Variants in AKAP19 observed in about 807,000 individuals in gnomAD.
AKAP19 encodes A-kinase anchoring protein 19, also known as small A-kinase anchoring protein.
At chr2:189,886,363 GTTCTTGAGGCACTCTCCTTTGAGCATTAC>G in the AKAP19 span, among the ~76,000 whole-genome samples, 1 of 152,166 alleles carries the variant, frequency 6.6e-6, no homozygotes, top group South Asian at 2.1e-4. Flanking sequence ...CCCCACAGTA[GTTCTTGAGGCACTCTCCTTTGAGCATTAC>G]TTCTTTCATA....
the AKAP19 span, among the ~76,000 whole-genome samples, chr2:189,988,514 A>G: frequency 6.6e-6 from 1 of 152,246 alleles, no homozygotes; most frequent in Non-Finnish European, 1.5e-5. Context: ...CCAGGAATGA[A>G]CAAGGACAGT....
chr2:190,140,212 C>T, the AKAP19 span, among the ~76,000 whole-genome samples: 1 of 152,146 alleles, frequency 6.6e-6, no homozygotes, highest in African/African-American at 2.4e-5. Flanking sequence ...AGGTTATACT[C>T]CCCTCCTGGC....
the AKAP19 span, among the ~76,000 whole-genome samples, chr2:189,894,611 A>G: frequency 3.3e-5 from 5 of 151,924 alleles, no homozygotes; most frequent in Admixed American, 2.6e-4. Flanking sequence ...TTTTATTTAC[A>G]TAAGTTTCTT....
the AKAP19 span, among the ~76,000 whole-genome samples, chr2:189,936,942 T>C: frequency 6.6e-6 from 1 of 151,936 alleles, no homozygotes; most frequent in African/African-American, 2.4e-5. Context: ...CTGGGCAACA[T>C]AGCGAGACCC....
At chr2:190,035,759 CTTG>C in the AKAP19 span, among the ~76,000 whole-genome samples, 5 of 152,160 alleles carry the variant, frequency 3.3e-5, no homozygotes, top group African/African-American at 4.8e-5. Flanking sequence ...TAATTTATTT[CTTG>C]TTGTTGTTCA....
At chr2:189,984,752 T>C in the AKAP19 span, among the ~76,000 whole-genome samples, 9 of 152,300 alleles carry the variant, frequency 5.9e-5, no homozygotes, top group Middle Eastern at 3.4e-3. Context: ...GGGGAACTAA[T>C]AAATGTACAT....
the AKAP19 span, among the ~76,000 whole-genome samples, chr2:190,142,454 C>T: frequency 6.6e-6 from 1 of 152,174 alleles, no homozygotes; most frequent in African/African-American, 2.4e-5. Context: ...CACAGTTTTG[C>T]TCTCTACCCC....
At chr2:189,962,704 A>T in the AKAP19 span, among the ~76,000 whole-genome samples, 1 of 152,154 alleles carries the variant, frequency 6.6e-6, no homozygotes, top group South Asian at 2.1e-4. Context: ...GTATTTTGAT[A>T]TTGTTTGAAC....
At chr2:190,001,245 G>T in the AKAP19 span, among the ~76,000 whole-genome samples, 1 of 152,056 alleles carries the variant, frequency 6.6e-6, no homozygotes, top group Non-Finnish European at 1.5e-5. Context: ...TTTTCTACAT[G>T]GTTTCCCTTG....
chr2:190,100,355 C>T, the AKAP19 span, among the ~76,000 whole-genome samples: 18 of 152,150 alleles, frequency 1.2e-4, no homozygotes, highest in Non-Finnish European at 2.1e-4. Flanking sequence ...GGATCCAATT[C>T]GTTTTTGTTG....
At chr2:189,926,652 C>G in the AKAP19 span, among the ~76,000 whole-genome samples, 1 of 140,388 alleles carries the variant, frequency 7.1e-6, no homozygotes, top group Non-Finnish European at 1.5e-5. Context: ...GCGATCTCGG[C>G]TCACTGCAAG....
At chr2:190,096,518 A>G in the AKAP19 span, among the ~76,000 whole-genome samples, 3 of 152,112 alleles carry the variant, frequency 2.0e-5, no homozygotes, top group Admixed American at 6.5e-5. Flanking sequence ...GCCCTATTTC[A>G]GGGAGTTTGC....
At chr2:189,965,598 A>G in the AKAP19 span, among the ~76,000 whole-genome samples, 15 of 152,086 alleles carry the variant, frequency 9.9e-5, no homozygotes, top group Non-Finnish European at 1.5e-5. Flanking sequence ...CCACAGTGTG[A>G]TACCACCTTA....
chr2:189,980,582 G>A, the AKAP19 span, among the ~76,000 whole-genome samples: 84 of 152,216 alleles, frequency 5.5e-4, 1 homozygote, highest in Middle Eastern at 3.4e-3. Flanking sequence ...TGAGCTGCCC[G>A]CCTCAGCCTC....
At chr2:190,143,601 C>T in the AKAP19 span, among the ~76,000 whole-genome samples, 1 of 152,166 alleles carries the variant, frequency 6.6e-6, no homozygotes, top group Admixed American at 6.5e-5. Context: ...AGTGTCTGAC[C>T]TAAAGGATTT....
At chr2:189,926,508 G>A in the AKAP19 span, among the ~76,000 whole-genome samples, 38 of 150,542 alleles carry the variant, frequency 2.5e-4, no homozygotes, top group African/African-American at 8.6e-4. Flanking sequence ...GGGTGGTCTC[G>A]ATCTGCTGAC....
the AKAP19 span, among the ~76,000 whole-genome samples, chr2:189,954,285 C>T: frequency 6.6e-6 from 1 of 152,132 alleles, no homozygotes; most frequent in Non-Finnish European, 1.5e-5. Context: ...TTCTAAGTGG[C>T]ATTATGATAA....
chr2:190,181,028 C>T, the AKAP19 span: 29 of 985,584 alleles, frequency 2.9e-5, no homozygotes, highest in Non-Finnish European at 3.5e-5. Flanking sequence ...AGACCCGCCC[C>T]GGGCCTGAGC....
the AKAP19 span, among the ~76,000 whole-genome samples, chr2:189,890,316 ATTTCCTGAGGAGTGT>A: frequency 2.0e-4 from 30 of 152,264 alleles, no homozygotes; most frequent in African/African-American, 7.2e-4. Flanking sequence ...GTTCTTTTGC[ATTTCCTGAGGAGTGT>A]TTTCTAATTA....
Sources: gnomAD v4.1 joint callset for allele counts (sites outside exome capture counted in the v4.1 genomes callset) on GRCh38, gnomAD v4.1.1 for gene constraint, MANE v1.5 for transcripts, NCBI Gene and HGNC (gene_info 2026-07-23, HGNC 2026-07-21) for gene names.